ALG11: variants seen among roughly 807,000 people sequenced by gnomAD.
The protein encoded by ALG11 is GDP-Man:Man(3)GlcNAc(2)-PP-Dol alpha-1,2-mannosyltransferase.
Under a neutral mutation model 38.8 loss-of-function variants are expected in ALG11, and 26 were observed. That is an observed-to-expected ratio of 0.67 (90% CI 0.49 to 0.93). The LOEUF (loss-of-function observed/expected upper bound fraction) is 0.93, where lower values mean the gene tolerates loss of function less well. ALG11 is among the 40% of genes least tolerant of loss of function. The probability of loss-of-function intolerance (pLI) is 0.00; values close to 1 mark genes in which losing one functional copy is unlikely to be tolerated. For synonymous variants in ALG11, 199 were observed against 211.6 expected (o/e 0.94, Z 0.52); for missense variants, 535 against 578.8 (o/e 0.92, Z 0.78).
At chr13:52,019,216 CTTT>C (rs767701891) in intron 2 of ALG11, 73 bp downstream of exon 2, 5,149 of 439,206 alleles carry the variant, frequency 0.012, no homozygotes, top group Middle Eastern at 0.017. Context: ...AGAAATTCAT[CTTT>C]TTTTTTTTTT....
rs1210705201 is a variant in ALG11, at chr13:52,012,429, G to A, written c.11G>A (p.Gly4Asp). 3.7e-6 allele frequency: 6 copies of A among 1,614,066 alleles called. No individual in the cohort carries two copies. Among genetic ancestry groups the A allele is most frequent in the Non-Finnish European group, 4.2e-6 (5 of 1,180,052 alleles). MAAGERSWCLCKLL... is the reference protein window; with the variant it reads MAADERSWCLCKLL... Reference sequence around the variant, plus strand: ...GGGGGTCGGCGGAAGATGGCGGCCGGCGAAAGGAGCTGGTGCCTGTGCAAG... The same window carrying A: ...GGGGGTCGGCGGAAGATGGCGGCCGACGAAAGGAGCTGGTGCCTGTGCAAG... The change falls in exon 1 of 4, where the codon GGC becomes GAC. Residue 4 changes from glycine (G) to aspartate (D), a missense_variant. Transcript: ENST00000521508.
intron 3 of ALG11, among the ~76,000 whole-genome samples, chr13:52,028,050 G>A (rs1024237269): frequency 3.3e-5 from 5 of 151,844 alleles, no homozygotes; most frequent in Non-Finnish European, 5.9e-5. Context: ...CTTGATGCTA[G>A]GAGTTAGAGG....
At chr13:52,019,963 G>A (rs1954170911) in intron 2 of ALG11, among the ~76,000 whole-genome samples, 1 of 152,130 alleles carries the variant, frequency 6.6e-6, no homozygotes, top group Admixed American at 6.5e-5. Context: ...AATGGACAGT[G>A]GATGGGGAAA....
In ALG11 at chr13:52,012,690, G is replaced by T. The variant is rs143029892; in HGVS notation, c.44+228G>T. ...CGCGTTTTCTTCTGCTTCACTGTTGGCCGAGGGGTCGAGTTCCCTTCCCTG... is the reference window on the plus strand; with the variant it reads ...CGCGTTTTCTTCTGCTTCACTGTTGTCCGAGGGGTCGAGTTCCCTTCCCTG... On this transcript the variant is annotated intron_variant, in intron 1 of 3. Coordinates refer to ENST00000521508, the MANE Select transcript of ALG11 (RefSeq NM_001004127.3). Among the ~76,000 whole-genome samples, 275 of 152,088 alleles carry T rather than the reference G, an allele frequency of 1.8e-3. 2 individuals are homozygous for T. Among genetic ancestry groups the T allele is most frequent in the African/African-American group, 6.2e-3 (257 of 41,502 alleles).
Position 52,012,442 on chromosome 13 carries a change from G to T in ALG11, c.24G>T (p.Trp8Cys), listed in dbSNP as rs780498216. The T allele has an allele frequency of 6.2e-7, 1 of 1,614,186 alleles. No individual in the cohort carries two copies. MAAGERS[W>C]CLCKLLRFFY... Reference sequence around the variant, plus strand: ...AGATGGCGGCCGGCGAAAGGAGCTGGTGCCTGTGCAAGTTGTTGAGGTGAG... The same window carrying T: ...AGATGGCGGCCGGCGAAAGGAGCTGTTGCCTGTGCAAGTTGTTGAGGTGAG... Residue 8 changes from tryptophan to cysteine, a missense_variant, in exon 1 of 4, where the codon TGG (tryptophan) becomes TGT (cysteine). Coordinates refer to ENST00000521508, the MANE Select transcript of ALG11 (RefSeq NM_001004127.3).
At chr13:52,012,591 A>G (rs137897535) in intron 1 of ALG11, 129 bp downstream of exon 1, 23 of 1,273,556 alleles carry the variant, frequency 1.8e-5, no homozygotes, top group East Asian at 7.4e-5. Flanking sequence ...TCTCAGGCCA[A>G]TGAGCAGTCT....
At position 52,019,175 on chromosome 13, in the gene ALG11, A is replaced by G. The variant is rs773275954; in HGVS notation, c.275+32A>G. On this transcript the variant is annotated intron_variant, in intron 2 of 3. Transcript: ENST00000521508. The stretch of plus-strand genomic sequence containing the variant: ...ATCCATCTTTCTTAGCTAATTTGCT[A>G]TATTGTTCCATTTCTTAAAAATTAT... The G allele has an allele frequency of 3.7e-5, 48 of 1,289,450 alleles. 2 individuals are homozygous for G. In the South Asian group the frequency reaches 5.0e-4, roughly 13 times the overall value. 79.9% of individuals were successfully genotyped at this position (1,289,450 alleles called of 1,614,324 possible).
rs1954324813 is a variant in ALG11 at position 52,033,360 on chromosome 13, AATT to A, written c.*4774_*4776del. On this transcript the variant is annotated 3_prime_UTR_variant, in exon 4 of 4. Coordinates refer to ENST00000521508, the MANE Select transcript of ALG11 (RefSeq NM_001004127.3). ...GTGTGTTACATAGGTTTTGTGTAAT[AATT>A]ATTTGTAAATATTATTTAGATTTGT... The A allele has an allele frequency of 1.2e-5, 2 of 167,204 alleles. No individual in the cohort carries two copies. The highest frequency in any genetic ancestry group is 2.9e-5 in the Non-Finnish European group (2 of 68,118). The allele number at this position is 167,204 out of a possible 1,614,324, so 10.4% of individuals were successfully genotyped here. A position where few individuals can be genotyped will look rare whatever the true frequency, so the allele number is the denominator to read the frequency against.
Position 52,030,187 on chromosome 13 carries a change from A to C in ALG11, c.*1597A>C, listed in dbSNP as rs748134927. ...AGGTGCTGTCCGAATTGAGGGCACTATCTCAGAAATTGAAGGAAAAACATC... is the reference window on the plus strand; with the variant it reads ...AGGTGCTGTCCGAATTGAGGGCACTCTCTCAGAAATTGAAGGAAAAACATC... On this transcript the variant is annotated 3_prime_UTR_variant, in exon 4 of 4. Transcript: ENST00000521508. The C allele has an allele frequency of 1.9e-6, 3 of 1,614,228 alleles. No homozygotes were observed. Among genetic ancestry groups the C allele is most frequent in the Non-Finnish European group, 2.5e-6 (3 of 1,180,044 alleles).
At position 52,029,548 on chromosome 13, in the gene ALG11, T is replaced by TA. The variant is rs757424897; in HGVS notation, c.*963dup. The stretch of plus-strand genomic sequence containing the variant: ...CTCGAAAAGAGAAGAAAATCAAAAG[T>TA]AAAAAGTATCACAAAGTCGTGAAGA... On this transcript the variant is annotated 3_prime_UTR_variant, in exon 4 of 4. Transcript: ENST00000521508. 5.1e-5 allele frequency: 82 copies of TA among 1,613,374 alleles called. 2 individuals are homozygous for TA. The South Asian group carries it at 5.3e-4, about 10-fold the overall frequency.
Position 52,024,856 on chromosome 13 carries a change from A to T in ALG11, c.1126A>T (p.Ile376Phe), listed in dbSNP as rs1228510389. 1.9e-6 allele frequency: 3 copies of T among 1,614,050 alleles called. No homozygotes were observed. Among genetic ancestry groups the T allele is most frequent in the Non-Finnish European group, 2.5e-6 (3 of 1,179,978 alleles). The change falls in exon 3 of 4, where the codon ATT (isoleucine) becomes TTT (phenylalanine). Residue 376 changes from isoleucine to phenylalanine, a missense_variant. Coordinates refer to ENST00000521508, the MANE Select transcript of ALG11 (RefSeq NM_001004127.3). ...AGAATATGTGGAATTTAAAATAAAC[A>T]TTCCATTTGATGAATTAAAGAATTA... ...VQEYVEFKIN[I>F]PFDELKNYLS...
chr13:52,029,511 A>C lies in ALG11; in HGVS notation c.*921A>C. Reference sequence around the variant, plus strand: ...AGGGCTCGGGCTCTGCAGTCCTACTATGAGGCCAAGGCTCGAAAAGAGAAG... The same window carrying C: ...AGGGCTCGGGCTCTGCAGTCCTACTCTGAGGCCAAGGCTCGAAAAGAGAAG... On this transcript the variant is annotated 3_prime_UTR_variant, in exon 4 of 4. Coordinates refer to ENST00000521508, the MANE Select transcript of ALG11 (RefSeq NM_001004127.3). The C allele has an allele frequency of 6.2e-7, 1 of 1,614,228 alleles. No individual in the cohort carries two copies. The highest frequency in any genetic ancestry group is 8.5e-7 in the Non-Finnish European group (1 of 1,180,032).
At chr13:52,019,216 CTTTTTTTTT>C (rs767701891) in intron 2 of ALG11, 73 bp downstream of exon 2, 7 of 447,536 alleles carry the variant, frequency 1.6e-5, no homozygotes, top group African/African-American at 1.5e-4. Flanking sequence ...AGAAATTCAT[CTTTTTTTTT>C]TTTTTTTTTT....
At chr13:52,021,164 C>G (rs1413513403) in intron 2 of ALG11, 1 of 126,912 alleles carries the variant, frequency 7.9e-6, no homozygotes, top group Non-Finnish European at 1.9e-5. Flanking sequence ...ATAGAGTGAT[C>G]AGGGAAATAT....
chr13:52,024,341 C>G lies in ALG11; in HGVS notation c.611C>G (p.Thr204Ser). Residue 204 changes from threonine (T) to serine (S), a missense_variant, in exon 3 of 4, where the codon ACC becomes AGC. Transcript: ENST00000521508. ...GSYVHYPTIS[T>S]DMLSVVKNQN... ...TATGTTCATTATCCTACTATCAGCA[C>G]CGACATGCTCTCTGTAGTGAAGAAT... 6.2e-7 allele frequency: 1 copy of G among 1,614,162 alleles called. No individual in the cohort carries two copies. Among genetic ancestry groups the G allele is most frequent in the Non-Finnish European group, 8.5e-7 (1 of 1,180,016 alleles).
Position 52,018,947 on chromosome 13 carries a change from G to T in ALG11, c.79G>T (p.Val27Leu). Reference sequence around the variant, plus strand: ...TTCATTATTCTTCCCTGGGCTCATTGTATGTGGAACTTTATGTGTGTGTTT... The same window carrying T: ...TTCATTATTCTTCCCTGGGCTCATTTTATGTGGAACTTTATGTGTGTGTTT... ...FYSLFFPGLIVCGTLCVCLVI... is the reference protein window; with the variant it reads ...FYSLFFPGLILCGTLCVCLVI... The change falls in exon 2 of 4, where the codon GTA becomes TTA. Residue 27 changes from valine (V) to leucine (L), a missense_variant. Val to Leu is a conservative substitution (Grantham distance 32). Transcript: ENST00000521508. 1 of 1,613,932 alleles carries T rather than the reference G, an allele frequency of 6.2e-7. No individual in the cohort carries two copies. Among genetic ancestry groups the T allele is most frequent in the Non-Finnish European group, 8.5e-7 (1 of 1,179,984 alleles).
Position 52,024,254 on chromosome 13 carries a change from C to G in ALG11, c.524C>G (p.Ser175Ter), listed in dbSNP as rs771522804. Reference sequence around the variant, plus strand: ...TGTGTTCCTGATGTTTACATTGATTCAATGGGATACGCTTTTACGCTTCCT... The same window carrying G: ...TGTGTTCCTGATGTTTACATTGATTGAATGGGATACGCTTTTACGCTTCCT... ...MQCVPDVYID[S>*]MGYAFTLPLF... The change falls in exon 3 of 4, where the codon TCA becomes TGA. Residue 175 changes from serine to a stop codon, truncating the protein, a stop_gained. Coordinates refer to ENST00000521508, the MANE Select transcript of ALG11 (RefSeq NM_001004127.3). LOFTEE classifies it high-confidence loss of function. 3 of 1,614,062 alleles carry G rather than the reference C, an allele frequency of 1.9e-6. No individual in the cohort carries two copies. The highest frequency in any genetic ancestry group is 2.5e-6 in the Non-Finnish European group (3 of 1,180,008).
intron 2 of ALG11, chr13:52,023,243 G>A (rs1954201358): frequency 6.6e-6 from 1 of 152,044 alleles, no homozygotes; most frequent in South Asian, 2.1e-4. Flanking sequence ...AAACTTTTTA[G>A]TATTTCTTTA....
At chr13:52,026,082 C>T (rs948646857) in intron 3 of ALG11, among the ~76,000 whole-genome samples, 39 of 152,324 alleles carry the variant, frequency 2.6e-4, no homozygotes, top group African/African-American at 7.0e-4. Flanking sequence ...AGGCAAGTGC[C>T]GTGCCGTGCT....
Sources: gnomAD v4.1 joint callset for allele counts (sites outside exome capture counted in the v4.1 genomes callset) on GRCh38, gnomAD v4.1.1 for gene constraint, MANE v1.5 for transcripts, NCBI Gene and HGNC (gene_info 2026-07-23, HGNC 2026-07-21) for gene names.